The following CLMN variants were observed in gnomAD, a reference collection of about 807,000 sequenced individuals.
CLMN encodes the protein calmin.
CLMN carries 57 observed loss-of-function variants against 92.7 expected under a neutral mutation model. The ratio of observed to expected loss-of-function variants is 0.61; its 90% CI spans 0.50 to 0.77. The LOEUF is 0.77. Ranked by LOEUF, CLMN falls within the 30% of genes least tolerant of loss-of-function variation. The pLI is 0.00. For synonymous variants in CLMN, 466 were observed against 470.6 expected (o/e 0.99, Z 0.13); for missense variants, 1,158 against 1,237.5 (o/e 0.94, Z 0.96).
intron 1 of CLMN, among the ~76,000 whole-genome samples, chr14:95,261,922 C>A (rs866018546): frequency 5.3e-5 from 8 of 152,226 alleles, no homozygotes; most frequent in African/African-American, 1.9e-4. Context: ...TGACAACCTG[C>A]GAGCAGCTTT....
chr14:95,290,831 C>T (rs1900535007), intron 1 of CLMN, among the ~76,000 whole-genome samples: 2 of 152,124 alleles, frequency 1.3e-5, no homozygotes, highest in Admixed American at 1.3e-4. Context: ...ATTCCTATCC[C>T]CACCCTAGTG....
intron 1 of CLMN, among the ~76,000 whole-genome samples, chr14:95,310,611 T>A (rs939257147): frequency 6.6e-6 from 1 of 152,206 alleles, no homozygotes; most frequent in Non-Finnish European, 1.5e-5. Flanking sequence ...TGTTAGGGGC[T>A]GGCAGGACAA....
intron 1 of CLMN, among the ~76,000 whole-genome samples, chr14:95,278,438 G>T (rs1372547223): frequency 6.8e-6 from 1 of 147,286 alleles, no homozygotes; most frequent in Non-Finnish European, 1.5e-5. Context: ...CACTCTTGAT[G>T]CCCACATGAG....
chr14:95,229,526 C>T (rs545295644), intron 2 of CLMN, among the ~76,000 whole-genome samples: 2 of 152,256 alleles, frequency 1.3e-5, no homozygotes, highest in East Asian at 3.9e-4. Context: ...CTGTTTCCTC[C>T]TTCTGATAGG....
chr14:95,263,726 G>A (rs1899353904), intron 1 of CLMN, among the ~76,000 whole-genome samples: 2 of 152,234 alleles, frequency 1.3e-5, no homozygotes, highest in Non-Finnish European at 1.5e-5. Flanking sequence ...GTGGCTGGGA[G>A]AAGAAAGGAA....
intron 1 of CLMN, among the ~76,000 whole-genome samples, chr14:95,265,119 G>A (rs1899421141): frequency 6.6e-6 from 1 of 151,970 alleles, no homozygotes; most frequent in Non-Finnish European, 1.5e-5. Flanking sequence ...GTGCATGCCT[G>A]TAGTCCCAGC....
At chr14:95,226,292 G>A (rs1275499753) in intron 2 of CLMN, among the ~76,000 whole-genome samples, 1 of 152,126 alleles carries the variant, frequency 6.6e-6, no homozygotes, top group African/African-American at 2.4e-5. Flanking sequence ...CAGTGTAAAT[G>A]CAAAGTAAAT....
At chr14:95,205,252 C>T (rs1031587590) in intron 8 of CLMN, among the ~76,000 whole-genome samples, 13 of 152,206 alleles carry the variant, frequency 8.5e-5, no homozygotes. Flanking sequence ...ACATCTGCTT[C>T]AACCTCTATT....
At chr14:95,230,026 T>G (rs770338728) in intron 2 of CLMN, 46 bp downstream of exon 2, 1 of 1,567,026 alleles carries the variant, frequency 6.4e-7, no homozygotes, top group South Asian at 1.1e-5. Context: ...GTAAATTCAG[T>G]TACAGATGAA....
chr14:95,241,843 G>A (rs771031452), intron 1 of CLMN, among the ~76,000 whole-genome samples: 1 of 152,054 alleles, frequency 6.6e-6, no homozygotes, highest in Non-Finnish European at 1.5e-5. Flanking sequence ...GTGTGTGCGT[G>A]TGTGTATATG....
intron 1 of CLMN, among the ~76,000 whole-genome samples, chr14:95,241,774 CAAACAAA>C (rs764116586): frequency 1.3e-5 from 2 of 152,216 alleles, no homozygotes; most frequent in Non-Finnish European, 2.9e-5. Context: ...CATTTGAAAA[CAAACAAA>C]AGTTATCTAT....
intron 1 of CLMN, among the ~76,000 whole-genome samples, chr14:95,245,663 G>A (rs1450552311): frequency 1.0e-5 from 1 of 98,300 alleles, no homozygotes; most frequent in East Asian, 2.8e-4. Context: ...TGGATAGGTA[G>A]ATGGATAGAT....
intron 4 of CLMN, among the ~76,000 whole-genome samples, chr14:95,220,554 T>C (rs147285005): frequency 6.6e-6 from 1 of 152,324 alleles, no homozygotes; most frequent in Non-Finnish European, 1.5e-5. Context: ...TGTTGTGAAT[T>C]GTGCTGCCAT....
rs186964367 is a variant in CLMN at position 95,186,910 on chromosome 14, A to G, written c.*4654T>C. The G allele has an allele frequency of 8.5e-5, 13 of 152,326 alleles. No individual in the cohort carries two copies. Among genetic ancestry groups the G allele is most frequent in the East Asian group, 3.9e-4 (2 of 5,178 alleles). The allele number at this position is 152,326 out of a possible 1,614,324, so 9.4% of individuals were successfully genotyped here. ...AGCAAGGGTGGTAAAGAAAACCTAG[A>G]ACCCAGACCACCACATAGACTATAT... On this transcript the variant is annotated 3_prime_UTR_variant, in exon 13 of 13. Transcript: ENST00000298912.
At chr14:95,278,308 T>C (rs1444902986) in intron 1 of CLMN, among the ~76,000 whole-genome samples, 1 of 152,242 alleles carries the variant, frequency 6.6e-6, no homozygotes, top group African/African-American at 2.4e-5. Context: ...AAAACGGATA[T>C]CCAAGCTATA....
intron 1 of CLMN, among the ~76,000 whole-genome samples, chr14:95,315,709 T>C (rs924012325): frequency 6.6e-6 from 1 of 152,120 alleles, no homozygotes; most frequent in African/African-American, 2.4e-5. Context: ...GGTCCAGAAT[T>C]ACAGCATCAA....
chr14:95,187,963 A>G lies in CLMN; in HGVS notation c.*3601T>C, dbSNP rs1896478776. ...ACACCATTTTTGAAACCACATGAGT[A>G]CTCAGCATAGGCTAAAAGCCCTGTG... On this transcript the variant is annotated 3_prime_UTR_variant, in exon 13 of 13. Coordinates refer to ENST00000298912, the MANE Select transcript of CLMN (RefSeq NM_024734.4). 1 of 152,244 alleles carries G rather than the reference A, an allele frequency of 6.6e-6. No individual in the cohort carries two copies. Among genetic ancestry groups the G allele is most frequent in the Non-Finnish European group, 1.5e-5 (1 of 68,052 alleles). The allele number at this position is 152,244 out of a possible 1,614,324, so 9.4% of individuals were successfully genotyped here. A position where few individuals can be genotyped will look rare whatever the true frequency, so the allele number is the denominator to read the frequency against.
chr14:95,280,962 G>C (rs751101776), intron 1 of CLMN, among the ~76,000 whole-genome samples: 10 of 152,118 alleles, frequency 6.6e-5, no homozygotes, highest in Non-Finnish European at 1.5e-4. Flanking sequence ...TTGTTATCTT[G>C]TTTCAATCCT....
chr14:95,266,437 C>A (rs1266223302), intron 1 of CLMN, among the ~76,000 whole-genome samples: 1 of 152,098 alleles, frequency 6.6e-6, no homozygotes, highest in Non-Finnish European at 1.5e-5. Flanking sequence ...ATCAAGAAAG[C>A]AATCCCATTT....
Sources: allele counts gnomAD v4.1 joint callset (sites outside exome capture counted in the v4.1 genomes callset), GRCh38; gene constraint gnomAD v4.1.1; transcripts MANE v1.5; gene names NCBI Gene and HGNC (gene_info 2026-07-23, HGNC 2026-07-21).